AFDN: variants seen among roughly 807,000 people sequenced by gnomAD.
AFDN encodes the protein afadin, adherens junction formation factor.
A neutral mutation model predicts 216.6 loss-of-function variants in AFDN; 68 were observed. That is an observed-to-expected ratio of 0.31 (90% CI 0.26 to 0.38). The LOEUF (loss-of-function observed/expected upper bound fraction) is 0.38. AFDN is among the 10% of genes least tolerant of loss of function. The probability of loss-of-function intolerance (pLI) is 1.00; values close to 1 mark genes in which losing one functional copy is unlikely to be tolerated. For synonymous variants in AFDN, 868 were observed against 853.7 expected (o/e 1.02, Z -0.29); for missense variants, 2,136 against 2,342.0 (o/e 0.91, Z 1.82).
intron 1 of AFDN, among the ~76,000 whole-genome samples, chr6:167,846,827 T>A (rs1234743714): frequency 2.0e-5 from 3 of 150,166 alleles, no homozygotes; most frequent in Non-Finnish European, 3.0e-5. Flanking sequence ...AGAAAAGTCA[T>A]AATTAAAACT....
chr6:167,895,317 T>C (rs1788105352), intron 9 of AFDN, among the ~76,000 whole-genome samples: 1 of 152,166 alleles, frequency 6.6e-6, no homozygotes, highest in African/African-American at 2.4e-5. Context: ...CACAAAATAG[T>C]AAACATTACT....
chr6:167,862,414 C>T lies in AFDN; in HGVS notation c.106-2137C>T, dbSNP rs1379912179. 5.3e-5 allele frequency among the ~76,000 whole-genome samples: 8 copies of T among 151,558 alleles called. No homozygotes were observed. In the South Asian group the frequency reaches 6.2e-4, roughly 12 times the overall value. On this transcript the variant is annotated intron_variant, in intron 1 of 33. Coordinates refer to ENST00000683244, the MANE Select transcript of AFDN (RefSeq NM_001386888.1). The stretch of plus-strand genomic sequence containing the variant: ...TTTTTTAGATGAAGTCTTGCTCTGT[C>T]GCCCAGGCTGGAGTGCAGTGGCGCG...
chr6:167,917,157 T>C lies in AFDN; in HGVS notation c.2634T>C (p.Phe878=), dbSNP rs1040447357. Residue 878 remains phenylalanine, a synonymous_variant, in exon 20 of 34, where the codon TTT becomes TTC. Coordinates refer to ENST00000683244, the MANE Select transcript of AFDN (RefSeq NM_001386888.1). ...TTCCAAATATAAACAGCACCTGCTT[T>C]AAGTTAAATTCATTACAACTTCAAG... ...DDIPNINSTC[F]KLNSLQLQAL... is the part of the protein sequence containing the mutation. 4 of 1,612,448 alleles carry C rather than the reference T, an allele frequency of 2.5e-6. No individual in the cohort carries two copies. In the African/African-American group the frequency reaches 5.3e-5, roughly 22 times the overall value.
At chr6:167,932,159 G>T (rs749067265) in intron 23 of AFDN, among the ~76,000 whole-genome samples, 2 of 152,128 alleles carry the variant, frequency 1.3e-5, no homozygotes, top group Non-Finnish European at 2.9e-5. Context: ...AGTCATTTGT[G>T]TGCTTTTCTT....
chr6:167,889,329 A>G lies in AFDN; in HGVS notation c.1009+3A>G, dbSNP rs765860465. 11 of 1,590,786 alleles carry G rather than the reference A, an allele frequency of 6.9e-6. No homozygotes were observed. The highest frequency in any genetic ancestry group is 6.7e-5 in the Admixed American group (4 of 59,924). On this transcript the variant is annotated splice_donor_region_variant and intron_variant, in intron 7 of 33. Transcript: ENST00000683244. ...CAGGGAATGGCCAAGTGACAAAGGT[A>G]GTAACCTTATTAAAGGATTACTTAC...
At chr6:167,851,545 TTATC>T (rs1214431510) in intron 1 of AFDN, among the ~76,000 whole-genome samples, 1 of 152,186 alleles carries the variant, frequency 6.6e-6, no homozygotes. Context: ...GAAGTAATAT[TTATC>T]AAGTGCCTCA....
chr6:167,961,774 A>G lies in AFDN; in HGVS notation c.4834-659A>G, dbSNP rs117342782. Among the ~76,000 whole-genome samples, 340 of 152,316 alleles carry G rather than the reference A, an allele frequency of 2.2e-3. 3 individuals carry two copies. Among genetic ancestry groups the G allele is most frequent in the East Asian group, 0.019 (100 of 5,184 alleles). Reference sequence around the variant, plus strand: ...GAGAGCCGAGATAGGGCTCCTTCCCATCTCAGGTTCAGAGTCCATGGTGCA... The same window carrying G: ...GAGAGCCGAGATAGGGCTCCTTCCCGTCTCAGGTTCAGAGTCCATGGTGCA... On this transcript the variant is annotated intron_variant, in intron 30 of 33. Transcript: ENST00000683244.
intron 5 of AFDN, among the ~76,000 whole-genome samples, chr6:167,879,014 G>A (rs1012222077): frequency 6.6e-6 from 1 of 152,106 alleles, no homozygotes; most frequent in East Asian, 1.9e-4. Flanking sequence ...CTATTTTAAA[G>A]GTATTTATTT....
chr6:167,914,539 A>G, intron 17 of AFDN, 105 bp from the exon 18 acceptor site: 1 of 936,538 alleles, frequency 1.1e-6, no homozygotes, highest in Non-Finnish European at 1.6e-6. Flanking sequence ...TTTTTTTTTA[A>G]TGGAAAATAT....
chr6:167,861,088 A>T (rs1303878206), intron 1 of AFDN, among the ~76,000 whole-genome samples: 1 of 151,150 alleles, frequency 6.6e-6, no homozygotes, highest in Non-Finnish European at 1.5e-5. Flanking sequence ...CCTCTCCCCA[A>T]CCCTCTGCAC....
intron 2 of AFDN, among the ~76,000 whole-genome samples, chr6:167,867,893 G>C (rs147491906): frequency 6.6e-6 from 1 of 152,268 alleles, no homozygotes; most frequent in East Asian, 1.9e-4. Context: ...TATGGGGAGG[G>C]TGGTGGTAAA....
intron 1 of AFDN, 130 bp downstream of exon 1, chr6:167,827,367 C>T: frequency 7.5e-6 from 1 of 133,750 alleles, no homozygotes; most frequent in Non-Finnish European, 1.5e-5. Context: ...CCCCTTCTCT[C>T]CCCTCCCCCT....
rs12212274 is a variant in AFDN at position 167,924,108 on chromosome 6, T to C, written c.3013-897T>C. On this transcript the variant is annotated intron_variant, in intron 22 of 33. Transcript: ENST00000683244. ...TCAGGTTTTGATTTAAAAAAAAAAA[T>C]AATAATTCTAATGTCAACTAATTTT... Among the ~76,000 whole-genome samples, 1,117 of 147,010 alleles carry C rather than the reference T, an allele frequency of 7.6e-3. 7 individuals carry two copies. Among genetic ancestry groups the C allele is most frequent in the Non-Finnish European group, 0.011 (726 of 67,936 alleles).
chr6:167,966,749 C>T (rs970004663), intron 32 of AFDN, among the ~76,000 whole-genome samples: 1 of 152,186 alleles, frequency 6.6e-6, no homozygotes, highest in Non-Finnish European at 1.5e-5. Flanking sequence ...GAATAGATCA[C>T]GCGCTCTCAT....
intron 1 of AFDN, among the ~76,000 whole-genome samples, chr6:167,834,342 CAT>C (rs1027083078): frequency 6.6e-6 from 1 of 151,316 alleles, no homozygotes; most frequent in African/African-American, 2.4e-5. Context: ...GGAGCGAGAA[CAT>C]ATGTTTGGTT....
chr6:167,894,369 GAAGA>G (rs1299796548), intron 9 of AFDN, among the ~76,000 whole-genome samples: 2 of 152,276 alleles, frequency 1.3e-5, no homozygotes, highest in East Asian at 3.9e-4. Flanking sequence ...TATCTACGGG[GAAGA>G]AAGAGACTCA....
intron 3 of AFDN, among the ~76,000 whole-genome samples, chr6:167,871,168 A>G (rs1262072223): frequency 7.4e-6 from 1 of 134,622 alleles, no homozygotes; most frequent in Admixed American, 8.3e-5. Context: ...TTTTAGCAGC[A>G]GAAATTTTTT....
At chr6:167,913,302 G>T in intron 15 of AFDN, 101 bp from the exon 16 acceptor site, 1 of 1,122,950 alleles carries the variant, frequency 8.9e-7, no homozygotes, top group Non-Finnish European at 1.3e-6. Context: ...CCTTCATGTC[G>T]TACCTTCATA....
chr6:167,859,655 A>AC (rs1381342242), intron 1 of AFDN, among the ~76,000 whole-genome samples: 1 of 152,224 alleles, frequency 6.6e-6, no homozygotes, highest in Non-Finnish European at 1.5e-5. Context: ...CTTGGAGAAT[A>AC]CAGCCAGTTG....
Sources: gnomAD v4.1 joint callset for allele counts (sites outside exome capture counted in the v4.1 genomes callset) on GRCh38, gnomAD v4.1.1 for gene constraint, MANE v1.5 for transcripts, NCBI Gene and HGNC (gene_info 2026-07-23, HGNC 2026-07-21) for gene names.